The following NELL1 variants were observed in gnomAD, a reference collection of about 807,000 sequenced individuals.
NELL1 encodes the protein neural EGFL like 1, also known as protein kinase C-binding protein NELL1.
NELL1 carries 76 observed loss-of-function variants against 107.4 expected under a neutral mutation model. That is an observed-to-expected ratio of 0.71 (90% CI 0.59 to 0.86). NELL1 has a LOEUF of 0.86. Among genes scored for constraint, NELL1 ranks in the 40% least tolerant of loss-of-function variants. The pLI is 0.00. For missense variants in NELL1, 1,024 were observed against 1,005.5 expected (o/e 1.02, Z -0.25); for synonymous variants, 353 against 341.2 (o/e 1.03, Z -0.38).
chr11:20,962,415 A>C (rs1409937791), intron 12 of NELL1, among the ~76,000 whole-genome samples: 2 of 152,200 alleles, frequency 1.3e-5, no homozygotes, highest in Non-Finnish European at 1.5e-5. Context: ...CAATTATAAA[A>C]ATGATAGAAG....
intron 14 of NELL1, among the ~76,000 whole-genome samples, chr11:21,350,296 G>T (rs1390449554): frequency 1.3e-5 from 2 of 151,534 alleles, no homozygotes; most frequent in African/African-American, 4.8e-5. Context: ...TCATCAAATG[G>T]AAACTAACAG....
intron 12 of NELL1, among the ~76,000 whole-genome samples, chr11:21,102,846 A>C (rs945252950): frequency 3.3e-5 from 5 of 152,192 alleles, no homozygotes; most frequent in African/African-American, 1.2e-4. Flanking sequence ...TTGTCTCAAC[A>C]ATCACATTGC....
chr11:21,310,260 A>G (rs1333236749), intron 14 of NELL1, among the ~76,000 whole-genome samples: 3 of 152,088 alleles, frequency 2.0e-5, no homozygotes, highest in African/African-American at 7.2e-5. Context: ...TTTTACATCA[A>G]TCCTAATAAA....
chr11:21,164,906 A>G (rs956510983), intron 13 of NELL1, among the ~76,000 whole-genome samples: 1 of 152,138 alleles, frequency 6.6e-6, no homozygotes, highest in African/African-American at 2.4e-5. Flanking sequence ...AATATTCTTC[A>G]CCAGTATCTT....
chr11:21,034,606 A>G (rs1257198838), intron 12 of NELL1, among the ~76,000 whole-genome samples: 1 of 152,198 alleles, frequency 6.6e-6, no homozygotes, highest in South Asian at 2.1e-4. Flanking sequence ...ACTCAAAACC[A>G]TACAGTTACA....
At chr11:20,748,965 G>T (rs1856071670) in intron 2 of NELL1, among the ~76,000 whole-genome samples, 1 of 142,774 alleles carries the variant, frequency 7.0e-6, no homozygotes, top group Admixed American at 7.1e-5. Context: ...TCCATATTTT[G>T]ACATATATTT....
chr11:20,879,356 T>C (rs1248615161), intron 4 of NELL1, among the ~76,000 whole-genome samples: 1 of 152,028 alleles, frequency 6.6e-6, no homozygotes, highest in African/African-American at 2.4e-5. Context: ...AAAAATAATA[T>C]ATAAAGAAAG....
At chr11:20,897,518 A>C (rs191482615) in intron 5 of NELL1, among the ~76,000 whole-genome samples, 168 of 152,344 alleles carry the variant, frequency 1.1e-3, no homozygotes, top group East Asian at 7.5e-3. Flanking sequence ...CAAGGACTTC[A>C]TGTCTAAAAC....
intron 12 of NELL1, among the ~76,000 whole-genome samples, chr11:21,043,585 T>C (rs998865534): frequency 2.6e-5 from 4 of 152,114 alleles, no homozygotes; most frequent in Non-Finnish European, 5.9e-5. Context: ...TAAGCAGAGA[T>C]GTAACATGTG....
intron 17 of NELL1, among the ~76,000 whole-genome samples, chr11:21,563,347 T>C (rs916836872): frequency 6.6e-6 from 1 of 152,056 alleles, no homozygotes; most frequent in African/African-American, 2.4e-5. Flanking sequence ...GTTGTGTTTA[T>C]GTTGCAGATC....
chr11:20,842,091 C>T (rs755390481), intron 3 of NELL1, among the ~76,000 whole-genome samples: 1 of 152,106 alleles, frequency 6.6e-6, no homozygotes, highest in East Asian at 1.9e-4. Flanking sequence ...GGAGCTTCAG[C>T]ATGGGCTGGG....
chr11:21,020,980 G>A (rs978303643), intron 12 of NELL1, among the ~76,000 whole-genome samples: 4 of 150,352 alleles, frequency 2.7e-5, no homozygotes, highest in African/African-American at 9.8e-5. Context: ...CTGGTAAGGA[G>A]GGGCCAGCTG....
chr11:21,119,308 A>G (rs1047693882), intron 13 of NELL1, among the ~76,000 whole-genome samples: 6 of 151,582 alleles, frequency 4.0e-5, no homozygotes, highest in Non-Finnish European at 7.4e-5. Flanking sequence ...GATGCTAAGC[A>G]TGATGGAGGA....
chr11:21,433,288 T>C (rs1382481328), intron 15 of NELL1, among the ~76,000 whole-genome samples: 8 of 152,206 alleles, frequency 5.3e-5, no homozygotes. Context: ...CTGATGGGCA[T>C]GTGGGGTTAT....
chr11:20,855,655 G>A (rs902561797), intron 4 of NELL1, among the ~76,000 whole-genome samples: 2 of 152,008 alleles, frequency 1.3e-5, no homozygotes, highest in Non-Finnish European at 2.9e-5. Flanking sequence ...CTTAATTGTT[G>A]TAATTTTACT....
intron 14 of NELL1, among the ~76,000 whole-genome samples, chr11:21,357,386 G>T (rs1488904616): frequency 6.6e-6 from 1 of 152,084 alleles, no homozygotes; most frequent in Non-Finnish European, 1.5e-5. Context: ...GTTTTAATTT[G>T]CATTTCCCTG....
At position 21,263,454 on chromosome 11, in the gene NELL1, G is replaced by A. The variant is rs114959540; in HGVS notation, c.1549+34000G>A. ...TTAGAAAATATTCTTCAAAATTCCT[G>A]CCCAGGCAATAAAAGCCATCTTTCA... On this transcript the variant is annotated intron_variant, in intron 14 of 19. Coordinates refer to ENST00000357134, the MANE Select transcript of NELL1 (RefSeq NM_006157.5). Among the ~76,000 whole-genome samples, 853 of 152,076 alleles carry A rather than the reference G, an allele frequency of 5.6e-3. 6 individuals carry two copies. Among genetic ancestry groups the A allele is most frequent in the African/African-American group, 0.019 (789 of 41,530 alleles).
chr11:21,348,889 A>G (rs1348427707), intron 14 of NELL1, among the ~76,000 whole-genome samples: 4 of 152,202 alleles, frequency 2.6e-5, no homozygotes, highest in Non-Finnish European at 5.9e-5. Context: ...GGAAAACATT[A>G]AGAGAAACTT....
chr11:20,919,476 A>G (rs1228938194), intron 7 of NELL1, 142 bp downstream of exon 7: 1 of 555,454 alleles, frequency 1.8e-6, no homozygotes, highest in Non-Finnish European at 3.3e-6. Flanking sequence ...CTTACTCAAA[A>G]TAGGACTACC....
Sources: gnomAD v4.1 joint callset for allele counts (sites outside exome capture counted in the v4.1 genomes callset) on GRCh38, gnomAD v4.1.1 for gene constraint, MANE v1.5 for transcripts, NCBI Gene and HGNC (gene_info 2026-07-23, HGNC 2026-07-21) for gene names.